Variants in GPATCH2L observed in about 807,000 individuals in gnomAD.
GPATCH2L encodes G patch domain-containing protein 2-like.
Under a neutral mutation model 57.4 loss-of-function variants are expected in GPATCH2L, and 31 were observed. That is an observed-to-expected ratio of 0.54 (90% CI 0.41 to 0.73). The LOEUF is 0.73. GPATCH2L is among the 30% of genes least tolerant of loss of function. The pLI, the probability that GPATCH2L is intolerant of heterozygous loss-of-function variation, is 0.00. For synonymous variants in GPATCH2L, 199 were observed against 210.7 expected, an observed-to-expected ratio of 0.94 and a Z score of 0.48; for missense variants, 481 against 599.9, an observed-to-expected ratio of 0.80 and a Z score of 2.07.
chr14:76,181,618 C>T (rs2039562332), intron 8 of GPATCH2L, among the ~76,000 whole-genome samples: 1 of 152,116 alleles, frequency 6.6e-6, no homozygotes, highest in South Asian at 2.1e-4. Flanking sequence ...AACTTCATAA[C>T]ACCTAACACA....
intron 1 of GPATCH2L, among the ~76,000 whole-genome samples, chr14:76,222,677 C>T (rs918996618): frequency 2.0e-5 from 3 of 151,986 alleles, no homozygotes; most frequent in Non-Finnish European, 4.4e-5. Flanking sequence ...TGAATCTGGG[C>T]TGGGCACAGT....
intron 1 of GPATCH2L, among the ~76,000 whole-genome samples, chr14:76,220,888 A>G (rs112931649): frequency 7.2e-5 from 11 of 152,318 alleles, no homozygotes; most frequent in African/African-American, 2.4e-4. Flanking sequence ...TTGGAACTAT[A>G]TGGCAATTTT....
chr14:76,232,007 G>GCACACTGCAGC, intron 2 of GPATCH2L, among the ~76,000 whole-genome samples: 2 of 78,310 alleles, frequency 2.6e-5, no homozygotes, highest in Admixed American at 1.1e-4. Context: ...CTCACTGCAG[G>GCACACTGCAGC]CTCAAGCAAT....
chr14:76,163,737 C>T (rs907652349), intron 2 of GPATCH2L, among the ~76,000 whole-genome samples: 4 of 152,176 alleles, frequency 2.6e-5, no homozygotes, highest in African/African-American at 9.7e-5. Context: ...CTCAATAATC[C>T]ATCCACATTT....
At position 76,176,628 on chromosome 14, in the gene GPATCH2L, C is replaced by T. The variant is rs773786359; in HGVS notation, c.990C>T (p.Thr330=). Residue 330 remains threonine (T), a synonymous_variant, in exon 6 of 10, where the codon ACC becomes ACT. Transcript: ENST00000261530. ...KGRRRLVGKE[T]SINTLGTERI... ...TGTCTGCCTTTTCTTTTTAGGAGAC[C>T]AGCATAAACACTTTGGGGACTGAGA... is the stretch of plus-strand genomic sequence containing the variant. 1.2e-6 allele frequency: 2 copies of T among 1,605,772 alleles called. No individual in the cohort carries two copies. The highest frequency in any genetic ancestry group is 1.7e-6 in the Non-Finnish European group (2 of 1,172,476).
chr14:76,181,764 A>G (rs7152600), intron 8 of GPATCH2L, among the ~76,000 whole-genome samples: 1,616 of 152,328 alleles, frequency 0.011, 26 homozygotes, highest in African/African-American at 0.037. Flanking sequence ...TATGCAGAAA[A>G]GAGTAGCTAA....
At chr14:76,152,550 C>G (rs993897370) in intron 1 of GPATCH2L, 4 of 416,408 alleles carry the variant, frequency 9.6e-6, no homozygotes, top group South Asian at 6.7e-5. Context: ...CCGTTCCTTC[C>G]TGTGCGTGAC....
chr14:76,227,338 G>C (rs1169742910), intron 1 of GPATCH2L, among the ~76,000 whole-genome samples: 1 of 152,122 alleles, frequency 6.6e-6, no homozygotes, highest in Non-Finnish European at 1.5e-5. Context: ...AACCTCAAAA[G>C]GCCTGAGCCC....
chr14:76,171,449 C>A (rs559346482), intron 3 of GPATCH2L, among the ~76,000 whole-genome samples: 398 of 151,960 alleles, frequency 2.6e-3, no homozygotes, highest in African/African-American at 9.2e-3. Context: ...TGGTGGCGGG[C>A]GCTTGTAATG....
intron 1 of GPATCH2L, among the ~76,000 whole-genome samples, chr14:76,219,404 C>T (rs975593128): frequency 1.2e-4 from 18 of 152,220 alleles, no homozygotes; most frequent in Middle Eastern, 3.4e-3. Context: ...TTTGTTAACA[C>T]GCTATAATGG....
chr14:76,173,137 T>C (rs1010950924), intron 4 of GPATCH2L, among the ~76,000 whole-genome samples: 7 of 152,196 alleles, frequency 4.6e-5, no homozygotes, highest in African/African-American at 7.2e-5. Flanking sequence ...ACGTGCTATT[T>C]TCCCCATTAT....
At chr14:76,157,111 G>A (rs944931712) in intron 2 of GPATCH2L, among the ~76,000 whole-genome samples, 1 of 152,246 alleles carries the variant, frequency 6.6e-6, no homozygotes, top group Non-Finnish European at 1.5e-5. Flanking sequence ...AATGGGCGGA[G>A]TGGTGGCACA....
intron 7 of GPATCH2L, among the ~76,000 whole-genome samples, chr14:76,180,310 T>C (rs1279177918): frequency 6.6e-6 from 1 of 152,218 alleles, no homozygotes; most frequent in Admixed American, 6.5e-5. Context: ...TGATTCTTAG[T>C]CTAGTTCTCT....
intron 3 of GPATCH2L, among the ~76,000 whole-genome samples, chr14:76,167,200 CA>C (rs1320852077): frequency 2.0e-5 from 3 of 152,108 alleles, no homozygotes; most frequent in African/African-American, 7.2e-5. Flanking sequence ...TCATCTTCCT[CA>C]AAGTAAAACT....
At chr14:76,196,402 T>A in intron 9 of GPATCH2L, 3 of 238,926 alleles carry the variant, frequency 1.3e-5, no homozygotes, top group African/African-American at 2.2e-5. Flanking sequence ...ATGACATTCC[T>A]AATTAAAAAC....
chr14:76,210,104 G>T lies in GPATCH2L; in HGVS notation c.*8253G>T, dbSNP rs1446244194. ...AAGCAGGATACTCCTGGGCTCCTTA[G>T]ATATACTATCCTTGAAACTATTAGG... On this transcript the variant is annotated 3_prime_UTR_variant, in exon 10 of 10. Transcript: ENST00000261530. 6.6e-6 allele frequency: 1 copy of T among 152,138 alleles called. No individual in the cohort carries two copies. The highest frequency in any genetic ancestry group is 2.4e-5 in the African/African-American group (1 of 41,420). 9.4% of individuals were successfully genotyped at this position (152,138 alleles called of 1,614,324 possible). A position where few individuals can be genotyped will look rare whatever the true frequency, so the allele number is the denominator to read the frequency against.
intron 8 of GPATCH2L, among the ~76,000 whole-genome samples, chr14:76,191,211 A>G (rs957155143): frequency 2.6e-5 from 4 of 152,174 alleles, no homozygotes; most frequent in Non-Finnish European, 2.9e-5. Context: ...TCAAAGTAAA[A>G]TAACACACAT....
chr14:76,156,042 T>A (rs2038292344), intron 2 of GPATCH2L, among the ~76,000 whole-genome samples: 1 of 152,244 alleles, frequency 6.6e-6, no homozygotes, highest in East Asian at 1.9e-4. Flanking sequence ...TACTCTTATT[T>A]AATGTTCACA....
chr14:76,161,971 G>T (rs1017495696), intron 2 of GPATCH2L, among the ~76,000 whole-genome samples: 3 of 152,188 alleles, frequency 2.0e-5, no homozygotes, highest in African/African-American at 4.8e-5. Flanking sequence ...GGGAGGCAGA[G>T]GTTGCAGTGA....
Sources: allele counts gnomAD v4.1 joint callset (sites outside exome capture counted in the v4.1 genomes callset), GRCh38; gene constraint gnomAD v4.1.1; transcripts MANE v1.5; gene names NCBI Gene and HGNC (gene_info 2026-07-23, HGNC 2026-07-21).